The following ENPP6 variants were observed in gnomAD, a reference collection of about 807,000 sequenced individuals.
ENPP6 encodes the protein ectonucleotide pyrophosphatase/phosphodiesterase 6.
ENPP6 carries 32 observed loss-of-function variants against 42.0 expected under a neutral mutation model. The ratio of observed to expected loss-of-function variants is 0.76; its 90% CI spans 0.58 to 1.02. The LOEUF (loss-of-function observed/expected upper bound fraction) is 1.02. Among genes scored for constraint, ENPP6 ranks in the 50% least tolerant of loss-of-function variants. ENPP6 has a pLI of 0.00. For synonymous variants in ENPP6, 213 were observed against 216.0 expected, an observed-to-expected ratio of 0.99 and a Z score of 0.12; for missense variants, 552 against 566.8, an observed-to-expected ratio of 0.97 and a Z score of 0.27.
intron 6 of ENPP6, among the ~76,000 whole-genome samples, chr4:184,105,587 A>G (rs905319859): frequency 2.0e-5 from 3 of 152,228 alleles, no homozygotes; most frequent in African/African-American, 7.2e-5. Flanking sequence ...CTCAGTAAAT[A>G]CAGTATCCAC....
At chr4:184,180,485 G>T (rs1269217500) in intron 1 of ENPP6, among the ~76,000 whole-genome samples, 3 of 152,166 alleles carry the variant, frequency 2.0e-5, no homozygotes, top group Admixed American at 2.0e-4. Flanking sequence ...TTGGAAAGGA[G>T]TGACTCCTCC....
At chr4:184,147,584 A>G (rs1430067087) in intron 2 of ENPP6, among the ~76,000 whole-genome samples, 2 of 152,102 alleles carry the variant, frequency 1.3e-5, no homozygotes, top group Non-Finnish European at 2.9e-5. Context: ...ATTCGAGACC[A>G]GACTGGGCAA....
At chr4:184,169,337 A>G (rs1231167106) in intron 1 of ENPP6, among the ~76,000 whole-genome samples, 1 of 140,670 alleles carries the variant, frequency 7.1e-6, no homozygotes, top group Non-Finnish European at 1.6e-5. Context: ...TCGGTGGCCG[A>G]GCTGGGAAGA....
chr4:184,194,690 G>A (rs80190267), intron 1 of ENPP6, among the ~76,000 whole-genome samples: 1 of 152,314 alleles, frequency 6.6e-6, no homozygotes, highest in South Asian at 2.1e-4. Context: ...AACCTGTCCC[G>A]GGAGTGTAGG....
intron 1 of ENPP6, among the ~76,000 whole-genome samples, chr4:184,205,184 C>T (rs1345578757): frequency 2.6e-5 from 4 of 152,166 alleles, no homozygotes; most frequent in African/African-American, 7.2e-5. Flanking sequence ...CCACCTGCCT[C>T]GGCCTCCCAA....
chr4:184,179,521 A>T (rs568156470), intron 1 of ENPP6, among the ~76,000 whole-genome samples: 2 of 152,352 alleles, frequency 1.3e-5, no homozygotes, highest in East Asian at 3.9e-4. Context: ...GACCTGATAG[A>T]TATCTACAGA....
At chr4:184,099,880 C>T (rs527994557) in intron 6 of ENPP6, among the ~76,000 whole-genome samples, 62 of 152,368 alleles carry the variant, frequency 4.1e-4, no homozygotes, top group African/African-American at 1.2e-3. Context: ...GTCTACAAGG[C>T]GGTGAGCACT....
In ENPP6 at chr4:184,152,409, C is replaced by T. The variant is rs555046066; in HGVS notation, c.421+1145G>A. Among the ~76,000 whole-genome samples, 4 of 152,238 alleles carry T rather than the reference C, an allele frequency of 2.6e-5. No individual in the cohort carries two copies. The East Asian group carries it at 5.8e-4, about 22-fold the overall frequency. ...ACTACACATCTCACAACCCACCGCC[C>T]ACTCACAGACCCATCAGGCTGCCGC... On this transcript the variant is annotated intron_variant, in intron 2 of 7. Coordinates refer to ENST00000296741, the MANE Select transcript of ENPP6 (RefSeq NM_153343.4).
At chr4:184,207,752 A>G (rs1733024700) in intron 1 of ENPP6, among the ~76,000 whole-genome samples, 1 of 152,100 alleles carries the variant, frequency 6.6e-6, no homozygotes, top group Non-Finnish European at 1.5e-5. Flanking sequence ...CCTACTCCCT[A>G]TTCTCTGTGT....
chr4:184,205,606 T>C (rs762072716), intron 1 of ENPP6, among the ~76,000 whole-genome samples: 16 of 151,738 alleles, frequency 1.1e-4, no homozygotes, highest in Non-Finnish European at 2.2e-4. Flanking sequence ...AACAGAGGAG[T>C]GGTGTCATCA....
chr4:184,112,790 G>C lies in ENPP6; in HGVS notation c.875C>G (p.Thr292Arg). ...KHSEIYNKLS[T>R]VEHMTVYEKE... is the part of the protein sequence containing the mutation. ...CTCGTAGACAGTCATGTGTTCCACT[G>C]TGCTCAGTTTGTTATATATCTGCAA... Residue 292 changes from threonine to arginine, a missense_variant, in exon 6 of 8, where the codon ACA (threonine) becomes AGA (arginine). By Grantham distance (71) the Thr-to-Arg change is moderately conservative. This residue lies in a region of ENPP6 where 545 missense variants were observed against 546.3 expected (regional missense o/e 1.00). Transcript: ENST00000296741. The C allele has an allele frequency of 6.2e-7, 1 of 1,613,738 alleles. No individual in the cohort carries two copies. The highest frequency in any genetic ancestry group is 1.1e-5 in the South Asian group (1 of 90,914).
At chr4:184,110,703 A>G (rs548058428) in intron 6 of ENPP6, among the ~76,000 whole-genome samples, 15 of 152,342 alleles carry the variant, frequency 9.8e-5, no homozygotes, top group Non-Finnish European at 1.6e-4. Flanking sequence ...AGAGCATTGC[A>G]GAAGAGCTTG....
chr4:184,131,164 TC>T (rs1307818775), intron 2 of ENPP6, among the ~76,000 whole-genome samples: 1 of 55,062 alleles, frequency 1.8e-5, no homozygotes, highest in African/African-American at 8.3e-5. Context: ...TTTCTTTCTT[TC>T]TTTCTTTCTT....
intron 2 of ENPP6, among the ~76,000 whole-genome samples, chr4:184,136,323 G>C (rs963682044): frequency 1.3e-5 from 2 of 151,864 alleles, no homozygotes; most frequent in Non-Finnish European, 2.9e-5. Context: ...CCCATCTTCT[G>C]TGCTTCTATT....
At chr4:184,175,011 A>G (rs1049958430) in intron 1 of ENPP6, among the ~76,000 whole-genome samples, 1 of 152,220 alleles carries the variant, frequency 6.6e-6, no homozygotes. Flanking sequence ...CATCAGTGAG[A>G]TTCCTAACAA....
At chr4:184,187,336 C>T (rs1470817548) in intron 1 of ENPP6, among the ~76,000 whole-genome samples, 2 of 152,220 alleles carry the variant, frequency 1.3e-5, no homozygotes, top group South Asian at 2.1e-4. Context: ...CTTAAAGGAG[C>T]AGCAGCTGGG....
In ENPP6 at chr4:184,133,958, A is replaced by G. The variant is rs139241737; in HGVS notation, c.422-9686T>C. Among the ~76,000 whole-genome samples, 1,170 of 151,056 alleles carry G rather than the reference A, an allele frequency of 7.7e-3. 13 individuals carry two copies. Among genetic ancestry groups the G allele is most frequent in the Admixed American group, 0.014 (209 of 15,188 alleles). On this transcript the variant is annotated intron_variant, in intron 2 of 7. Transcript: ENST00000296741. ...TTAAACCTGGGTTTTCCTTTTATAA[A>G]CCCAATTGGTTGGCATATATTATTC...
At chr4:184,099,868 C>T (rs1316344551) in intron 6 of ENPP6, among the ~76,000 whole-genome samples, 2 of 152,248 alleles carry the variant, frequency 1.3e-5, no homozygotes. Context: ...CTCCCTCTCA[C>T]AGTCTACAAG....
chr4:184,138,607 T>A (rs1430571629), intron 2 of ENPP6, among the ~76,000 whole-genome samples: 2 of 152,218 alleles, frequency 1.3e-5, no homozygotes, highest in Non-Finnish European at 2.9e-5. Context: ...GAACATTTTT[T>A]AGTCAGGATG....
Sources: gnomAD v4.1 joint callset for allele counts (sites outside exome capture counted in the v4.1 genomes callset) on GRCh38, gnomAD v4.1.1 for gene constraint, gnomAD v4.1.1 regional missense constraint, MANE v1.5 for transcripts, NCBI Gene and HGNC (gene_info 2026-07-23, HGNC 2026-07-21) for gene names.